The following PTPRN2 variants were observed in gnomAD, a reference collection of about 807,000 sequenced individuals.
PTPRN2 encodes receptor-type tyrosine-protein phosphatase N2.
Under a neutral mutation model 118.8 loss-of-function variants are expected in PTPRN2, and 74 were observed. That is an observed-to-expected ratio of 0.62 (90% CI 0.52 to 0.76). The LOEUF (loss-of-function observed/expected upper bound fraction) is 0.76. Among genes scored for constraint, PTPRN2 ranks in the 30% least tolerant of loss-of-function variants. The probability of loss-of-function intolerance (pLI) is 0.00; values close to 1 mark genes in which losing one functional copy is unlikely to be tolerated. For synonymous variants in PTPRN2, 641 were observed against 608.0 expected, an observed-to-expected ratio of 1.05 and a Z score of -0.80; for missense variants, 1,481 against 1,394.4, an observed-to-expected ratio of 1.06 and a Z score of -0.99.
intron 17 of PTPRN2, among the ~76,000 whole-genome samples, chr7:157,581,144 C>T (rs1464582115): frequency 6.6e-6 from 1 of 151,768 alleles, no homozygotes; most frequent in East Asian, 1.9e-4. Flanking sequence ...CCTGCACACA[C>T]CAGCACCTGC....
At chr7:157,727,384 T>C (rs1002944074) in intron 12 of PTPRN2, among the ~76,000 whole-genome samples, 2 of 152,098 alleles carry the variant, frequency 1.3e-5, no homozygotes, top group Non-Finnish European at 1.5e-5. Flanking sequence ...AAAGGACACA[T>C]ACAGCACAAC....
intron 12 of PTPRN2, among the ~76,000 whole-genome samples, chr7:157,832,150 G>A (rs958607950): frequency 6.6e-5 from 10 of 152,194 alleles, no homozygotes; most frequent in African/African-American, 2.2e-4. Flanking sequence ...CTGCTCAGCC[G>A]GTCTCACAGG....
At chr7:157,867,486 C>T (rs552666508) in intron 12 of PTPRN2, among the ~76,000 whole-genome samples, 8 of 130,828 alleles carry the variant, frequency 6.1e-5, no homozygotes, top group African/African-American at 6.1e-5. Flanking sequence ...CTGTCCCTGA[C>T]GCCCTGGATA....
chr7:157,744,875 C>T (rs539681743), intron 12 of PTPRN2, among the ~76,000 whole-genome samples: 35 of 152,310 alleles, frequency 2.3e-4, no homozygotes, highest in South Asian at 2.1e-3. Flanking sequence ...GGGCTTCCCT[C>T]AGCCCCTGGG....
intron 5 of PTPRN2, among the ~76,000 whole-genome samples, chr7:158,168,413 C>T (rs1255546945): frequency 2.6e-5 from 4 of 152,202 alleles, no homozygotes; most frequent in Non-Finnish European, 4.4e-5. Flanking sequence ...CCCTTATTGA[C>T]CACTCCTACA....
At chr7:158,381,957 A>G (rs1240133738) in intron 2 of PTPRN2, among the ~76,000 whole-genome samples, 1 of 152,150 alleles carries the variant, frequency 6.6e-6, no homozygotes. Flanking sequence ...CCATGATTCA[A>G]GTGCCTCCCA....
intron 10 of PTPRN2, among the ~76,000 whole-genome samples, chr7:158,091,702 TGATA>T (rs142747828): frequency 0.027 from 3,529 of 132,576 alleles, 95 homozygotes; most frequent in East Asian, 0.16. Context: ...GAGGGACAGG[TGATA>T]GATAGATGAG....
In PTPRN2 at chr7:157,990,335, C is replaced by A. The variant is rs1489336998; in HGVS notation, c.1723+90963G>T. ...TGACCTGGAGCACAGAGGGGAGGGA[C>A]GGGGACAGGTGCAGCAGAGATTGGG... On this transcript the variant is annotated intron_variant, in intron 11 of 22. Transcript: ENST00000389418. This position sits in a 1 kb window ranked among gnomAD's most constrained non-coding sequence, Gnocchi z 4.3. 2.0e-5 allele frequency among the ~76,000 whole-genome samples: 3 copies of A among 152,010 alleles called. No homozygotes were observed. The highest frequency in any genetic ancestry group is 4.4e-5 in the Non-Finnish European group (3 of 68,030).
At chr7:157,811,024 C>A (rs1425594042) in intron 12 of PTPRN2, among the ~76,000 whole-genome samples, 2 of 152,030 alleles carry the variant, frequency 1.3e-5, no homozygotes, top group Non-Finnish European at 2.9e-5. Context: ...GTAATCCTAG[C>A]ACTTTGGGAG....
intron 10 of PTPRN2, among the ~76,000 whole-genome samples, chr7:158,096,276 A>G (rs953463477): frequency 1.3e-5 from 2 of 152,174 alleles, no homozygotes; most frequent in African/African-American, 2.4e-5. Flanking sequence ...CAAAGCATGA[A>G]CCATGTGTGG....
chr7:157,606,732 G>T (rs948298341), intron 15 of PTPRN2, among the ~76,000 whole-genome samples: 2 of 152,162 alleles, frequency 1.3e-5, no homozygotes, highest in South Asian at 2.1e-4. Context: ...GAAGCTGCAC[G>T]GACTCTGCTT....
intron 5 of PTPRN2, among the ~76,000 whole-genome samples, chr7:158,168,864 G>C (rs56160169): frequency 0.018 from 2,666 of 152,280 alleles, 72 homozygotes; most frequent in African/African-American, 0.061. Flanking sequence ...TCCCCACATT[G>C]TACCTCTGAC....
intron 12 of PTPRN2, among the ~76,000 whole-genome samples, chr7:157,844,930 G>A (rs1280794372): frequency 1.3e-5 from 2 of 152,298 alleles, no homozygotes; most frequent in South Asian, 2.1e-4. Flanking sequence ...TTTCAGGGGC[G>A]TTTTTCTTAT....
At chr7:158,083,247 G>A (rs1023639361) in intron 10 of PTPRN2, among the ~76,000 whole-genome samples, 7 of 152,098 alleles carry the variant, frequency 4.6e-5, no homozygotes, top group Non-Finnish European at 1.0e-4. Flanking sequence ...CCTCACCCAC[G>A]CAGGAGGTGA....
chr7:157,563,202 A>G (rs539373087), intron 21 of PTPRN2, among the ~76,000 whole-genome samples: 9,514 of 55,336 alleles, frequency 0.17, 2,846 homozygotes, highest in Middle Eastern at 0.26. Flanking sequence ...ACGTGCTCCC[A>G]TGTCACCACA....
At chr7:157,878,205 G>A (rs1795896812) in intron 12 of PTPRN2, among the ~76,000 whole-genome samples, 1 of 152,262 alleles carries the variant, frequency 6.6e-6, no homozygotes, top group African/African-American at 2.4e-5. Flanking sequence ...TCATGCACCA[G>A]GGATCCCCGT....
chr7:158,390,765 G>A (rs1430024475), intron 2 of PTPRN2, among the ~76,000 whole-genome samples: 9 of 152,200 alleles, frequency 5.9e-5, no homozygotes, highest in South Asian at 2.1e-4. Context: ...TTCTCTTCTC[G>A]CGCATCGTCC....
intron 19 of PTPRN2, among the ~76,000 whole-genome samples, chr7:157,575,034 G>C (rs1164507173): frequency 6.6e-6 from 1 of 152,166 alleles, no homozygotes; most frequent in East Asian, 1.9e-4. Flanking sequence ...CTGGAGCAAG[G>C]GAAATTTGGG....
rs889187232 is a variant in PTPRN2, at chr7:157,690,176, T to G, written c.1789-7239A>C. 6.6e-6 allele frequency among the ~76,000 whole-genome samples: 1 copy of G among 152,138 alleles called. No homozygotes were observed. Among genetic ancestry groups the G allele is most frequent in the East Asian group, 1.9e-4 (1 of 5,152 alleles). ...CTGCGGGGCGCTGGGCCAGGACAGC[T>G]GCCAACCCTCCAAATCTGTGCGCTC... On this transcript the variant is annotated intron_variant, in intron 12 of 22. Coordinates refer to ENST00000389418, the MANE Select transcript of PTPRN2 (RefSeq NM_002847.5). The surrounding 1 kb of genome is among the most constrained non-coding windows in gnomAD (Gnocchi z 7.1).
Sources: gnomAD v4.1 joint callset for allele counts (sites outside exome capture counted in the v4.1 genomes callset) on GRCh38, gnomAD v4.1.1 for gene constraint, Gnocchi (gnomAD v3.1) non-coding constraint, MANE v1.5 for transcripts, NCBI Gene and HGNC (gene_info 2026-07-23, HGNC 2026-07-21) for gene names.